Variants in GBF1 observed in about 807,000 individuals in gnomAD.
GBF1 encodes the protein Golgi-specific brefeldin A-resistance guanine nucleotide exchange factor 1.
A neutral mutation model predicts 210.5 loss-of-function variants in GBF1; 114 were observed. The observed-to-expected ratio is 0.54, with a 90% CI of 0.47 to 0.63. The LOEUF is 0.63. Ranked by LOEUF, GBF1 falls within the 30% of genes least tolerant of loss-of-function variation. The pLI, the probability that GBF1 is intolerant of heterozygous loss-of-function variation, is 0.00. For missense variants in GBF1, 1,851 were observed against 2,357.7 expected (o/e 0.79, Z 4.45); for synonymous variants, 850 against 889.2 (o/e 0.96, Z 0.78).
At chr10:102,327,290 A>T (rs1402977986) in intron 3 of GBF1, among the ~76,000 whole-genome samples, 4 of 152,178 alleles carry the variant, frequency 2.6e-5, no homozygotes, top group African/African-American at 9.7e-5. Flanking sequence ...CTAGGCCCTT[A>T]GGGGAGGAAA....
intron 1 of GBF1, among the ~76,000 whole-genome samples, chr10:102,254,627 G>A (rs541901183): frequency 1.3e-5 from 2 of 152,194 alleles, no homozygotes; most frequent in Non-Finnish European, 2.9e-5. Flanking sequence ...GCTTTAAATG[G>A]ACAGTGGTTT....
intron 3 of GBF1, among the ~76,000 whole-genome samples, chr10:102,332,049 A>G (rs1217442082): frequency 1.3e-5 from 2 of 151,702 alleles, no homozygotes; most frequent in Admixed American, 1.3e-4. Context: ...TAGTAGGGAC[A>G]GGGTTTCGCC....
chr10:102,375,884 A>G (rs1465766989), intron 30 of GBF1, among the ~76,000 whole-genome samples: 1 of 151,934 alleles, frequency 6.6e-6, no homozygotes, highest in East Asian at 2.0e-4. Flanking sequence ...TTTTCCCAGA[A>G]TTCTGGGAAA....
At position 102,370,165 on chromosome 10, in the gene GBF1, C is replaced by G; in HGVS notation, c.3340-9C>G. 2 of 1,606,154 alleles carry G rather than the reference C, an allele frequency of 1.2e-6. No homozygotes were observed. The highest frequency in any genetic ancestry group is 1.7e-6 in the Non-Finnish European group (2 of 1,172,764). ...GTCAAAGACCCCCTCTCTCTTTTGC[C>G]CTCTCTAGCAATGTGACCCAGAAAA... On this transcript the variant is annotated splice_polypyrimidine_tract_variant and intron_variant, in intron 26 of 39. Coordinates refer to ENST00000369983, the MANE Select transcript of GBF1 (RefSeq NM_001377137.1).
rs763158321 is a variant in GBF1, at chr10:102,380,702, C to G, written c.5173+16C>G. On this transcript the variant is annotated intron_variant, in intron 38 of 39. Coordinates refer to ENST00000369983, the MANE Select transcript of GBF1 (RefSeq NM_001377137.1). ...GTCATCCAGGGTAGGGGGCTCAGCC[C>G]AGCTTTATCAAAAAGAGTCTCCTGC... The G allele has an allele frequency of 6.3e-7, 1 of 1,580,576 alleles. No individual in the cohort carries two copies. The highest frequency in any genetic ancestry group is 1.8e-5 in the Admixed American group (1 of 55,742).
At chr10:102,298,557 T>C (rs2077092429) in intron 3 of GBF1, among the ~76,000 whole-genome samples, 1 of 152,192 alleles carries the variant, frequency 6.6e-6, no homozygotes, top group South Asian at 2.1e-4. Flanking sequence ...GATTAATAAA[T>C]ACTCGTATAT....
At position 102,362,560 on chromosome 10, in the gene GBF1, C is replaced by T; in HGVS notation, c.1772C>T (p.Ala591Val). 6.2e-7 allele frequency: 1 copy of T among 1,613,788 alleles called. No homozygotes were observed. Among genetic ancestry groups the T allele is most frequent in the Non-Finnish European group, 8.5e-7 (1 of 1,179,670 alleles). ...TTGACAGTGATTGACAGCACCGAGG[C>T]CCACTGCCAGGCTAAAGTCCTCAAC... ...ALLTVIDSTE[A>V]HCQAKVLNSL... The change falls in exon 15 of 40, where the codon GCC becomes GTC. Residue 591 changes from alanine (A) to valine (V), a missense_variant. By Grantham distance (64) the Ala-to-Val change is moderately conservative. Transcript: ENST00000369983.
chr10:102,376,556 A>T lies in GBF1; in HGVS notation c.4048-4A>T. The T allele has an allele frequency of 6.2e-7, 1 of 1,613,918 alleles. No individual in the cohort carries two copies. Among genetic ancestry groups the T allele is most frequent in the Non-Finnish European group, 8.5e-7 (1 of 1,179,936 alleles). On this transcript the variant is annotated splice_polypyrimidine_tract_variant and splice_region_variant and intron_variant, in intron 31 of 39. Coordinates refer to ENST00000369983, the MANE Select transcript of GBF1 (RefSeq NM_001377137.1). ...TGTCCCCAGCTCCTCTGTGTACTTT[A>T]CAGGTTGGGAAGGATGACGTTGATA...
At chr10:102,344,719 A>T (rs2058420022) in intron 4 of GBF1, among the ~76,000 whole-genome samples, 1 of 152,022 alleles carries the variant, frequency 6.6e-6, no homozygotes, top group Admixed American at 6.6e-5. Flanking sequence ...TGACCTCATG[A>T]TCTGCCCGCC....
chr10:102,362,521 C>T lies in GBF1; in HGVS notation c.1733C>T (p.Ser578Phe), dbSNP rs763094217. The change falls in exon 15 of 40, where the codon TCT becomes TTT. Residue 578 changes from serine to phenylalanine, a missense_variant. By Grantham distance (155) the Ser-to-Phe change is radical. Around this residue, in one of 3 missense-constraint regions of GBF1, gnomAD observed 804 missense variants for 958.6 expected, o/e 0.84. Transcript: ENST00000369983. ...CAACTCTATACAACACACCTACTAT[C>T]TCTTGATGCCCTATTGACAGTGATT... ...SGQLYTTHLL[S>F]LDALLTVIDS... is the part of the protein sequence containing the mutation. 2.0e-5 allele frequency: 32 copies of T among 1,613,908 alleles called. No homozygotes were observed. Among genetic ancestry groups the T allele is most frequent in the Non-Finnish European group, 2.5e-5 (30 of 1,179,848 alleles).
chr10:102,374,287 T>C (rs973573893), intron 29 of GBF1, among the ~76,000 whole-genome samples: 6 of 151,758 alleles, frequency 4.0e-5, no homozygotes, highest in African/African-American at 9.7e-5. Context: ...GAAGCAGAGG[T>C]TGCAGTGAGC....
intron 3 of GBF1, among the ~76,000 whole-genome samples, chr10:102,324,288 A>G (rs1384118646): frequency 2.0e-5 from 3 of 152,214 alleles, no homozygotes; most frequent in African/African-American, 7.2e-5. Flanking sequence ...TGTGAAATTT[A>G]GTCAGAGCCA....
intron 29 of GBF1, among the ~76,000 whole-genome samples, chr10:102,372,274 T>C (rs2060255301): frequency 1.3e-5 from 2 of 151,622 alleles, no homozygotes; most frequent in Admixed American, 1.3e-4. Context: ...CCCAACACTT[T>C]GTGAGGCCAA....
At chr10:102,279,888 G>A (rs958424354) in intron 3 of GBF1, among the ~76,000 whole-genome samples, 4 of 152,182 alleles carry the variant, frequency 2.6e-5, no homozygotes, top group Admixed American at 2.0e-4. Flanking sequence ...GGAGGGCGAC[G>A]CAAGAGGATT....
chr10:102,355,871 C>T (rs1206089726), intron 8 of GBF1, among the ~76,000 whole-genome samples: 3 of 152,176 alleles, frequency 2.0e-5, no homozygotes, highest in African/African-American at 7.2e-5. Context: ...GCATGTTTGG[C>T]GGACTCTTCT....
rs1036318409 is a variant in GBF1 at position 102,363,593 on chromosome 10, C to T, written c.2018-117C>T. On this transcript the variant is annotated intron_variant, in intron 16 of 39. Transcript: ENST00000369983. This position sits in a 1 kb window ranked among gnomAD's most constrained non-coding sequence, Gnocchi z 4.2. ...CAGGGAAGTGGAAGACTGGTGAGGA[C>T]AAGATTTCTGAGGCTCCTTCTTGAA... 2.2e-5 allele frequency: 18 copies of T among 831,986 alleles called. No homozygotes were observed. Among genetic ancestry groups the T allele is most frequent in the Non-Finnish European group, 3.0e-5 (15 of 495,682 alleles). 51.5% of individuals were successfully genotyped at this position (831,986 alleles called of 1,614,324 possible).
chr10:102,315,584 A>G (rs1024277783), intron 3 of GBF1, among the ~76,000 whole-genome samples: 4 of 152,188 alleles, frequency 2.6e-5, no homozygotes, highest in Non-Finnish European at 5.9e-5. Context: ...TTAGATTCTC[A>G]TAAGGAGCAC....
intron 33 of GBF1, 83 bp downstream of exon 33, chr10:102,377,223 G>C (rs2060556528): frequency 9.9e-6 from 11 of 1,114,316 alleles, no homozygotes; most frequent in Non-Finnish European, 1.5e-5. Flanking sequence ...CCAGGGCTGA[G>C]GGGAAGGGCC....
At chr10:102,370,911 C>T (rs2060172705) in intron 29 of GBF1, 51 bp downstream of exon 29, 1 of 1,535,428 alleles carries the variant, frequency 6.5e-7, no homozygotes, top group African/African-American at 1.4e-5. Context: ...GGATTAAGGC[C>T]ACAGTTGTCA....
Sources: allele counts gnomAD v4.1 joint callset (sites outside exome capture counted in the v4.1 genomes callset), GRCh38; gene constraint gnomAD v4.1.1; regional missense constraint gnomAD v4.1.1; non-coding constraint Gnocchi (gnomAD v3.1); transcripts MANE v1.5; gene names NCBI Gene and HGNC (gene_info 2026-07-23, HGNC 2026-07-21).